Variants in PRSS23 observed in about 807,000 individuals in gnomAD.
PRSS23 encodes the protein protease, serine 23.
In PRSS23, 25 loss-of-function variants were observed where a neutral mutation model predicts 34.7. The ratio of observed to expected loss-of-function variants is 0.72; its 90% CI spans 0.53 to 1.01. The LOEUF (loss-of-function observed/expected upper bound fraction) is 1.01, where lower values mean the gene tolerates loss of function less well. Among genes scored for constraint, PRSS23 ranks in the 50% least tolerant of loss-of-function variants. The probability of loss-of-function intolerance (pLI) is 0.00; values close to 1 mark genes in which losing one functional copy is unlikely to be tolerated. For missense variants in PRSS23, 445 were observed against 475.6 expected, an observed-to-expected ratio of 0.94 and a Z score of 0.60; for synonymous variants, 176 against 186.6, an observed-to-expected ratio of 0.94 and a Z score of 0.46.
chr11:86,852,843 A>ATGTTTTGTTTGT (rs1948540021), intron 2 of PRSS23, among the ~76,000 whole-genome samples: 1 of 151,082 alleles, frequency 6.6e-6, no homozygotes, highest in Non-Finnish European at 1.5e-5. Flanking sequence ...GAATCACACC[A>ATGTTTTGTTTGT]TGTTTTGTTT....
intron 2 of PRSS23, among the ~76,000 whole-genome samples, chr11:86,900,694 T>C (rs1422365676): frequency 6.6e-6 from 1 of 151,960 alleles, no homozygotes; most frequent in African/African-American, 2.4e-5. Flanking sequence ...TCTACACATA[T>C]GCTGCTCCCT....
At chr11:86,940,582 A>G (rs1393981803) in intron 2 of PRSS23, among the ~76,000 whole-genome samples, 3 of 152,162 alleles carry the variant, frequency 2.0e-5, no homozygotes, top group Non-Finnish European at 4.4e-5. Context: ...CAACAGGGAC[A>G]TGAACCTTCC....
At chr11:86,882,525 G>A (rs1412346826) in intron 2 of PRSS23, among the ~76,000 whole-genome samples, 2 of 151,954 alleles carry the variant, frequency 1.3e-5, no homozygotes, top group African/African-American at 2.4e-5. Flanking sequence ...ATGTCCCTAC[G>A]AAGGGCATGA....
chr11:86,941,720 A>C (rs901057457), intron 2 of PRSS23, among the ~76,000 whole-genome samples: 2 of 152,216 alleles, frequency 1.3e-5, no homozygotes, highest in African/African-American at 4.8e-5. Flanking sequence ...AATAGGCAAC[A>C]CAGTGGGGTA....
intron 2 of PRSS23, among the ~76,000 whole-genome samples, chr11:86,847,376 T>C (rs566290186): frequency 1.5e-3 from 229 of 152,236 alleles, no homozygotes; most frequent in Non-Finnish European, 2.6e-3. Flanking sequence ...CCATAATAAA[T>C]CCAACAGTCC....
chr11:86,915,716 A>G (rs952806510), intron 2 of PRSS23, among the ~76,000 whole-genome samples: 7 of 152,102 alleles, frequency 4.6e-5, no homozygotes, highest in African/African-American at 1.7e-4. Flanking sequence ...ATTATAGAGC[A>G]ACTGTATAAT....
At chr11:86,923,973 T>C (rs1378845246) in intron 2 of PRSS23, among the ~76,000 whole-genome samples, 1 of 152,210 alleles carries the variant, frequency 6.6e-6, no homozygotes, top group African/African-American at 2.4e-5. Context: ...ATCAGAATCA[T>C]TGTAAAAGGG....
At chr11:86,913,183 A>C (rs1311423710) in intron 2 of PRSS23, among the ~76,000 whole-genome samples, 1 of 151,270 alleles carries the variant, frequency 6.6e-6, no homozygotes, top group Non-Finnish European at 1.5e-5. Flanking sequence ...AGTTACCCTG[A>C]ATGCTTCCCT....
intron 2 of PRSS23, among the ~76,000 whole-genome samples, chr11:86,924,374 C>A (rs761980757): frequency 3.6e-4 from 54 of 152,090 alleles, no homozygotes; most frequent in Non-Finnish European, 6.8e-4. Context: ...TTTCTAGGGC[C>A]TACAACAACA....
At chr11:86,878,869 C>T (rs1948745307) in intron 2 of PRSS23, among the ~76,000 whole-genome samples, 2 of 151,000 alleles carry the variant, frequency 1.3e-5, no homozygotes, top group African/African-American at 2.4e-5. Flanking sequence ...AGCGCCTCTT[C>T]CCTGCGGCCA....
rs540252325 is a variant in PRSS23, at chr11:86,836,164, G to A, written c.206+12571G>A. On this transcript the variant is annotated intron_variant, in intron 2 of 2. Transcript: ENST00000533902. ...TACAGCTGGGTATAGAGGGACAAGGGCCTCATTGATAATCCTGAGATCTTG... is the reference window on the plus strand; with the variant it reads ...TACAGCTGGGTATAGAGGGACAAGGACCTCATTGATAATCCTGAGATCTTG... Among the ~76,000 whole-genome samples, 6 of 152,244 alleles carry A rather than the reference G, an allele frequency of 3.9e-5. No homozygotes were observed. The East Asian group carries it at 5.8e-4, about 15-fold the overall frequency.
intron 2 of PRSS23, among the ~76,000 whole-genome samples, chr11:86,881,670 T>C (rs925493252): frequency 2.6e-5 from 4 of 152,222 alleles, no homozygotes; most frequent in Non-Finnish European, 5.9e-5. Context: ...GAAAAATTGG[T>C]GTTAATTCTT....
chr11:86,859,583 G>T (rs1297156599), intron 2 of PRSS23, among the ~76,000 whole-genome samples: 1 of 151,910 alleles, frequency 6.6e-6, no homozygotes, highest in African/African-American at 2.4e-5. Flanking sequence ...TTAAGGGTGA[G>T]GGGGGAAGGA....
intron 2 of PRSS23, among the ~76,000 whole-genome samples, chr11:86,852,525 C>T (rs1200997390): frequency 6.6e-6 from 1 of 152,052 alleles, no homozygotes; most frequent in African/African-American, 2.4e-5. Flanking sequence ...TAATTTTCAT[C>T]TTTTATTTTG....
chr11:86,890,149 T>C (rs1948831795), intron 2 of PRSS23, among the ~76,000 whole-genome samples: 1 of 152,070 alleles, frequency 6.6e-6, no homozygotes, highest in Non-Finnish European at 1.5e-5. Context: ...TGCACACCTG[T>C]AATCCTAGCT....
intron 2 of PRSS23, among the ~76,000 whole-genome samples, chr11:86,854,236 G>A (rs1466297674): frequency 4.6e-5 from 7 of 152,226 alleles, no homozygotes; most frequent in South Asian, 2.1e-4. Context: ...ACCTGACCTC[G>A]TGATCTGCCT....
At chr11:86,869,406 G>A (rs1948670459) in intron 2 of PRSS23, among the ~76,000 whole-genome samples, 1 of 152,092 alleles carries the variant, frequency 6.6e-6, no homozygotes, top group African/African-American at 2.4e-5. Context: ...TCAAGGGTTA[G>A]ACACTATTTT....
At chr11:86,887,553 C>T (rs907802370) in intron 2 of PRSS23, among the ~76,000 whole-genome samples, 2 of 152,130 alleles carry the variant, frequency 1.3e-5, no homozygotes, top group Admixed American at 6.5e-5. Context: ...CACCCCTTTA[C>T]GGAAGCACTT....
chr11:86,946,591 A>G (rs772800899), intron 2 of PRSS23: 1 of 152,402 alleles, frequency 6.6e-6, no homozygotes, highest in Non-Finnish European at 1.5e-5. Flanking sequence ...AGTGCATGGC[A>G]AGAGACAGCA....
Sources: allele counts gnomAD v4.1 joint callset (sites outside exome capture counted in the v4.1 genomes callset), GRCh38; gene constraint gnomAD v4.1.1; transcripts MANE v1.5; gene names NCBI Gene and HGNC (gene_info 2026-07-23, HGNC 2026-07-21).